Variants in SIK3 observed in about 807,000 individuals in gnomAD.
The protein encoded by SIK3 is SIK family kinase 3.
In SIK3, 28 loss-of-function variants were observed where a neutral mutation model predicts 144.2. The observed-to-expected ratio is 0.19, with a 90% CI of 0.14 to 0.27. SIK3 has a LOEUF of 0.27. Ranked by LOEUF, SIK3 falls within the 10% of genes least tolerant of loss-of-function variation. The pLI, the probability that SIK3 is intolerant of heterozygous loss-of-function variation, is 1.00. For synonymous variants in SIK3, 686 were observed against 676.3 expected, an observed-to-expected ratio of 1.01 and a Z score of -0.22; for missense variants, 1,319 against 1,776.0, an observed-to-expected ratio of 0.74 and a Z score of 4.62.
Position 116,875,898 on chromosome 11 carries a change from C to G in SIK3, c.1207G>C (p.Ala403Pro). The change falls in exon 9 of 25, where the codon GCC becomes CCC. Residue 403 changes from alanine (A) to proline (P), a missense_variant. By Grantham distance (27) the Ala-to-Pro change is conservative. Coordinates refer to ENST00000445177, the MANE Select transcript of SIK3 (RefSeq NM_001366686.3). ...RLGALPSMPR[A>P]LAFQAPVNIQ... The stretch of plus-strand genomic sequence containing the variant: ...TTGACTGGTGCTTGAAAGGCCAGGG[C>G]TCGGGGCATGCTAGGAAGTGCTCCG... The G allele has an allele frequency of 6.2e-7, 1 of 1,610,442 alleles. No individual in the cohort carries two copies. The highest frequency in any genetic ancestry group is 8.5e-7 in the Non-Finnish European group (1 of 1,179,040).
At chr11:117,068,821 G>C (rs1323657533) in intron 1 of SIK3, among the ~76,000 whole-genome samples, 2 of 152,130 alleles carry the variant, frequency 1.3e-5, no homozygotes, top group African/African-American at 4.8e-5. Context: ...TCTTATGTTT[G>C]GCCAGAACTA....
rs143116310 is a variant in SIK3 at position 116,849,217 on chromosome 11, T to C, written c.3722A>G (p.Asn1241Ser). The C allele has an allele frequency of 2.0e-5, 33 of 1,614,040 alleles. No homozygotes were observed. The highest frequency in any genetic ancestry group is 1.6e-4 in the Middle Eastern group (1 of 6,084). ...PGQAVELPDH[N>S]GLGYPARPSV... ...GGGGCGTGCTGGGTACCCGAGCCCA[T>C]TGTGATCCGGCAGCTCCACTGCTTG... is the stretch of plus-strand genomic sequence containing the variant. Residue 1241 changes from asparagine to serine, a missense_variant, in exon 22 of 25, where the codon AAT (asparagine) becomes AGT (serine). Physicochemically the swap from Asn to Ser is conservative, Grantham distance 46 (BLOSUM62 1). Transcript: ENST00000445177. The surrounding 1 kb of genome is among the most constrained non-coding windows in gnomAD (Gnocchi z 4.2).
intron 4 of SIK3, among the ~76,000 whole-genome samples, chr11:116,923,117 C>T (rs1333062141): frequency 6.6e-6 from 1 of 151,892 alleles, no homozygotes. Context: ...GTTTTCACCA[C>T]GTTGGCCAGG....
chr11:117,072,935 C>T (rs1954345797), intron 1 of SIK3, among the ~76,000 whole-genome samples: 1 of 152,130 alleles, frequency 6.6e-6, no homozygotes, highest in South Asian at 2.1e-4. Context: ...CATTTATAAG[C>T]CCAAATTTGC....
intron 1 of SIK3, among the ~76,000 whole-genome samples, chr11:117,023,617 A>ATATATATATATAT (rs1194910685): frequency 4.4e-4 from 48 of 109,150 alleles, no homozygotes; most frequent in Middle Eastern, 8.7e-3. Flanking sequence ...AACAAAAAAA[A>ATATATATATATAT]AAAAATATAT....
intron 1 of SIK3, among the ~76,000 whole-genome samples, chr11:117,018,208 C>A (rs144401940): frequency 2.0e-5 from 3 of 152,164 alleles, no homozygotes; most frequent in Admixed American, 6.5e-5. Context: ...TACACACACA[C>A]TCAAGTCCTG....
chr11:117,013,972 CTT>C lies in SIK3; in HGVS notation c.274-56910_274-56909del, dbSNP rs71037442. Among the ~76,000 whole-genome samples the C allele has an allele frequency of 2.2e-3, 60 of 27,058 alleles. 5 individuals are homozygous for C. The highest frequency in any genetic ancestry group is 0.01 in the South Asian group (7 of 674). 17.8% of individuals were successfully genotyped at this position (27,058 alleles called of 152,430 possible). ...TGTGTTTTATTTCTTTTTTTCTTTTCTTTTTTTTTTTTTTTTTTTTTTGAGAC... is the reference window on the plus strand; with the variant it reads ...TGTGTTTTATTTCTTTTTTTCTTTTCTTTTTTTTTTTTTTTTTTTTGAGAC... On this transcript the variant is annotated intron_variant, in intron 1 of 24. Coordinates refer to ENST00000445177, the MANE Select transcript of SIK3 (RefSeq NM_001366686.3).
chr11:116,985,155 A>G (rs1338591974), intron 1 of SIK3, among the ~76,000 whole-genome samples: 1 of 152,202 alleles, frequency 6.6e-6, no homozygotes, highest in Non-Finnish European at 1.5e-5. Context: ...GCAACATAGC[A>G]AGACAGACAA....
intron 4 of SIK3, among the ~76,000 whole-genome samples, chr11:116,918,913 T>G (rs950020263): frequency 1.3e-5 from 2 of 152,202 alleles, no homozygotes; most frequent in East Asian, 3.9e-4. Context: ...GAAGGTTATT[T>G]AGAGCCGCTT....
chr11:116,909,620 T>G (rs1373959213), intron 4 of SIK3, among the ~76,000 whole-genome samples: 3 of 152,358 alleles, frequency 2.0e-5, no homozygotes, highest in Admixed American at 2.0e-4. Flanking sequence ...TCTCGCCACT[T>G]GGAACCACTG....
rs553361589 is a variant in SIK3 at position 117,021,456 on chromosome 11, T to C, written c.274-64392A>G. ...TTAACCCATGTCCGTAGCACGCTGA[T>C]GAGGTAAATGATGTTTTACAGATAG... On this transcript the variant is annotated intron_variant, in intron 1 of 24. Coordinates refer to ENST00000445177, the MANE Select transcript of SIK3 (RefSeq NM_001366686.3). Among the ~76,000 whole-genome samples, 12 of 152,254 alleles carry C rather than the reference T, an allele frequency of 7.9e-5. 1 individual carries two copies. The highest frequency in any genetic ancestry group is 6.8e-3 in the Middle Eastern group (2 of 294).
At chr11:116,941,990 A>C (rs1948330945) in intron 3 of SIK3, among the ~76,000 whole-genome samples, 1 of 152,244 alleles carries the variant, frequency 6.6e-6, no homozygotes, top group Admixed American at 6.5e-5. Flanking sequence ...ATGCAAAAAT[A>C]AACTGGATAA....
chr11:116,948,235 G>T lies in SIK3; in HGVS notation c.454+5809C>A, dbSNP rs182082368. Among the ~76,000 whole-genome samples the T allele has an allele frequency of 2.0e-3, 303 of 152,050 alleles. 3 individuals are homozygous for T. Among genetic ancestry groups the T allele is most frequent in the African/African-American group, 6.8e-3 (282 of 41,468 alleles). ...TTATAGGCATGAGCCACCAAGCCCA[G>T]CTGATTTGTTGATGTATAGTTGTTC... is the stretch of plus-strand genomic sequence containing the variant. On this transcript the variant is annotated intron_variant, in intron 3 of 24. Transcript: ENST00000445177.
At chr11:117,045,961 G>A (rs917600573) in intron 1 of SIK3, among the ~76,000 whole-genome samples, 1 of 152,216 alleles carries the variant, frequency 6.6e-6, no homozygotes, top group South Asian at 2.1e-4. Flanking sequence ...AAGGTCATAC[G>A]TTCTGTGGCA....
rs747222415 is a variant in SIK3 at position 117,098,231 on chromosome 11, C to G, written c.185G>C (p.Arg62Pro). The G allele has an allele frequency of 2.0e-6, 3 of 1,496,716 alleles. No homozygotes were observed. Among genetic ancestry groups the G allele is most frequent in the Non-Finnish European group, 2.7e-6 (3 of 1,121,866 alleles). The allele number at this position is 1,496,716 out of a possible 1,614,324, so 92.7% of individuals were successfully genotyped here. Reference sequence around the variant, plus strand: ...GCGGTCGATCTCGTAGTAGCCGATACGGGCGGGCATGGGTCCGCGGGAGGC... The same window carrying G: ...GCGGTCGATCTCGTAGTAGCCGATAGGGGCGGGCATGGGTCCGCGGGAGGC... ...APASRGPMPA[R>P]IGYYEIDRTI... Residue 62 changes from arginine to proline, a missense_variant, in exon 1 of 25, where the codon CGT (arginine) becomes CCT (proline). This residue lies in a region of SIK3 where 114 missense variants were observed against 116.2 expected (regional missense o/e 0.98). Transcript: ENST00000445177.
chr11:116,851,582 G>C (rs1268862040), intron 21 of SIK3, among the ~76,000 whole-genome samples: 12 of 152,192 alleles, frequency 7.9e-5, no homozygotes, highest in Non-Finnish European at 1.8e-4. Flanking sequence ...GAGCTTCCCA[G>C]CTACCAAAGA....
intron 3 of SIK3, among the ~76,000 whole-genome samples, chr11:116,941,446 T>C (rs1332262330): frequency 1.4e-5 from 2 of 147,668 alleles, no homozygotes; most frequent in African/African-American, 2.5e-5. Context: ...CAGTACATAG[T>C]AGTGTTCAAA....
chr11:117,056,240 C>T (rs1953512085), intron 1 of SIK3, among the ~76,000 whole-genome samples: 2 of 152,098 alleles, frequency 1.3e-5, no homozygotes, highest in African/African-American at 2.4e-5. Flanking sequence ...ATGGATGAAA[C>T]TGGAAACCAT....
At chr11:116,914,160 G>A (rs1280901889) in intron 4 of SIK3, among the ~76,000 whole-genome samples, 1 of 150,082 alleles carries the variant, frequency 6.7e-6, no homozygotes, top group Non-Finnish European at 1.5e-5. Context: ...CCAACTGAAA[G>A]GTGATGTGAA....
Sources: gnomAD v4.1 joint callset for allele counts (sites outside exome capture counted in the v4.1 genomes callset) on GRCh38, gnomAD v4.1.1 for gene constraint, gnomAD v4.1.1 regional missense constraint, Gnocchi (gnomAD v3.1) non-coding constraint, MANE v1.5 for transcripts, NCBI Gene and HGNC (gene_info 2026-07-23, HGNC 2026-07-21) for gene names.